The following SP2 variants were observed in gnomAD, a reference collection of about 807,000 sequenced individuals.
The protein encoded by SP2 is Sp2 transcription factor.
Under a neutral mutation model 50.1 loss-of-function variants are expected in SP2, and 9 were observed. The observed-to-expected ratio is 0.18, with a 90% CI of 0.11 to 0.31. SP2 has a LOEUF of 0.31. SP2 is among the 10% of genes least tolerant of loss of function. The probability of loss-of-function intolerance (pLI) is 1.00; values close to 1 mark genes in which losing one functional copy is unlikely to be tolerated. For synonymous variants in SP2, 313 were observed against 326.6 expected (o/e 0.96, Z 0.45); for missense variants, 581 against 806.5 (o/e 0.72, Z 3.39).
At chr17:47,911,834 C>T (rs1230226066) in intron 1 of SP2, among the ~76,000 whole-genome samples, 1 of 151,144 alleles carries the variant, frequency 6.6e-6, no homozygotes, top group Non-Finnish European at 1.5e-5. Context: ...ACAGTGAAAA[C>T]ACACAAGAAA....
Position 47,922,973 on chromosome 17 carries a change from C to A in SP2, c.1071C>A (p.Arg357=). ...CTGGCCCCTCCCAGGTCTACATCCG[C>A]ACGCCTTCCGGTGAGGTGCAGACAG... ...AEPTPTQVYI[R]TPSGEVQTVL... Residue 357 remains arginine, a synonymous_variant, in exon 4 of 7, where the codon CGC becomes CGA. Transcript: ENST00000376741. 2 of 1,612,000 alleles carry A rather than the reference C, an allele frequency of 1.2e-6. No homozygotes were observed. Among genetic ancestry groups the A allele is most frequent in the Non-Finnish European group, 1.7e-6 (2 of 1,178,290 alleles).
At chr17:47,900,820 GAGTGACT>G (rs1483787855) in intron 1 of SP2, among the ~76,000 whole-genome samples, 3 of 152,196 alleles carry the variant, frequency 2.0e-5, no homozygotes, top group African/African-American at 7.2e-5. Context: ...TAAATGTGGG[GAGTGACT>G]CACAAATAAA....
At position 47,916,116 on chromosome 17, in the gene SP2, C is replaced by G; in HGVS notation, c.85-40C>G. 1 of 1,560,928 alleles carries G rather than the reference C, an allele frequency of 6.4e-7. No individual in the cohort carries two copies. On this transcript the variant is annotated intron_variant, in intron 2 of 6. Coordinates refer to ENST00000376741, the MANE Select transcript of SP2 (RefSeq NM_003110.6). The surrounding 1 kb of genome is among the most constrained non-coding windows in gnomAD (Gnocchi z 4.7). ...TGGACAGAGGCGGCCGGGCAGCGGG[C>G]CTTCCTGTCTCACTCCTTTTCTCTG... is the stretch of plus-strand genomic sequence containing the variant.
chr17:47,918,779 TA>T (rs1303068466), intron 3 of SP2, among the ~76,000 whole-genome samples: 1 of 152,184 alleles, frequency 6.6e-6, no homozygotes, highest in Non-Finnish European at 1.5e-5. Flanking sequence ...ATTTGTATTC[TA>T]TATTAGAGGT....
At chr17:47,899,486 C>CA (rs2034457033) in intron 1 of SP2, 2 of 152,230 alleles carry the variant, frequency 1.3e-5, no homozygotes, top group African/African-American at 2.4e-5. Flanking sequence ...TGTGCCTAGC[C>CA]AACATGGGAC....
intron 1 of SP2, chr17:47,897,363 C>G (rs1029322199): frequency 1.3e-5 from 2 of 152,260 alleles, no homozygotes; most frequent in African/African-American, 4.8e-5. Context: ...TCCAAGGGGA[C>G]TCAGTCTGGC....
intron 1 of SP2, among the ~76,000 whole-genome samples, chr17:47,905,917 T>G (rs140766683): frequency 6.6e-6 from 1 of 152,312 alleles, no homozygotes; most frequent in Non-Finnish European, 1.5e-5. Context: ...TGGCGTGTTT[T>G]AATTCCAGAA....
chr17:47,896,679 C>G (rs2034348677), intron 1 of SP2, among the ~76,000 whole-genome samples: 1 of 152,246 alleles, frequency 6.6e-6, no homozygotes, highest in Non-Finnish European at 1.5e-5. Flanking sequence ...GAGGAGGCAG[C>G]CAACAGCCCT....
Position 47,925,029 on chromosome 17 carries a change from C to G in SP2, c.1483C>G (p.Gln495Glu). The G allele has an allele frequency of 6.2e-7, 1 of 1,614,166 alleles. No individual in the cohort carries two copies. The highest frequency in any genetic ancestry group is 1.1e-5 in the South Asian group (1 of 91,070). The change falls in exon 5 of 7, where the codon CAG becomes GAG. Residue 495 changes from glutamine (Q) to glutamate (E), a missense_variant. This residue lies in a region of SP2 where 184 missense variants were observed against 315.5 expected (regional missense o/e 0.58). Transcript: ENST00000376741. ...QMEQALAGETQPGEKRRRMAC... is the reference protein window; with the variant it reads ...QMEQALAGETEPGEKRRRMAC... ...GGAACAAGCCCTGGCCGGAGAGACC[C>G]AGCCCGGGGAGAAGCGGCGCCGCAT...
At chr17:47,905,944 TGTGTTGGGA>T (rs1481593442) in intron 1 of SP2, among the ~76,000 whole-genome samples, 7 of 151,840 alleles carry the variant, frequency 4.6e-5, no homozygotes, top group African/African-American at 1.7e-4. Flanking sequence ...AACTGAAGTG[TGTGTTGGGA>T]GAGTTGGAAG....
chr17:47,931,527 A>T (rs922348220), downstream of SP2, among the ~76,000 whole-genome samples: 3 of 152,190 alleles, frequency 2.0e-5, no homozygotes, highest in Non-Finnish European at 4.4e-5. Context: ...GAGCGGATGG[A>T]TGAAAGCTGT....
At chr17:47,917,275 A>G (rs901473813) in intron 3 of SP2, 145 bp downstream of exon 3, 2 of 758,964 alleles carry the variant, frequency 2.6e-6, no homozygotes, top group African/African-American at 1.8e-5. Flanking sequence ...GGCCGTTTCT[A>G]CCTGACAAAT....
intron 4 of SP2, 46 bp downstream of exon 4, chr17:47,923,320 C>T (rs1474436746): frequency 1.4e-6 from 2 of 1,476,420 alleles, no homozygotes; most frequent in Admixed American, 1.8e-5. Context: ...GGTACCTGCT[C>T]CTAGCAGGTG....
At chr17:47,917,440 G>A (rs184251111) in intron 3 of SP2, among the ~76,000 whole-genome samples, 4 of 151,960 alleles carry the variant, frequency 2.6e-5, no homozygotes, top group Admixed American at 2.6e-4. Flanking sequence ...TTTGATTATA[G>A]AATTACTCAA....
intron 1 of SP2, chr17:47,909,640 G>T: frequency 1.1e-6 from 1 of 905,840 alleles, no homozygotes; most frequent in Non-Finnish European, 1.3e-6. Context: ...ATCCTAGAAG[G>T]ATGACATTAC....
chr17:47,925,242 T>C (rs2035600551), intron 5 of SP2, 106 bp from the exon 6 acceptor site: 11 of 1,418,342 alleles, frequency 7.8e-6, no homozygotes, highest in Non-Finnish European at 1.1e-5. Context: ...CCTTGTGCTC[T>C]CTGACCTGAC....
intron 6 of SP2, 28 bp from the exon 7 acceptor site, chr17:47,927,696 G>A (rs781337378): frequency 3.3e-6 from 5 of 1,495,000 alleles, no homozygotes; most frequent in Non-Finnish European, 4.6e-6. Flanking sequence ...CACAGGGTCT[G>A]TGGGTGATGG....
intron 1 of SP2, among the ~76,000 whole-genome samples, chr17:47,909,152 C>T (rs1329367977): frequency 2.6e-5 from 4 of 152,198 alleles, no homozygotes; most frequent in Non-Finnish European, 4.4e-5. Flanking sequence ...TGAAAATCCC[C>T]CTTTTAAAAT....
intron 3 of SP2, among the ~76,000 whole-genome samples, chr17:47,921,841 G>A (rs1217369121): frequency 1.3e-5 from 2 of 152,160 alleles, no homozygotes; most frequent in Non-Finnish European, 1.5e-5. Flanking sequence ...TTGCTACTGG[G>A]CATGGCTGGT....
Sources: gnomAD v4.1 joint callset for allele counts (sites outside exome capture counted in the v4.1 genomes callset) on GRCh38, gnomAD v4.1.1 for gene constraint, gnomAD v4.1.1 regional missense constraint, Gnocchi (gnomAD v3.1) non-coding constraint, MANE v1.5 for transcripts, NCBI Gene and HGNC (gene_info 2026-07-23, HGNC 2026-07-21) for gene names.